Variants in MYH11 observed in about 807,000 individuals in gnomAD.
The protein encoded by MYH11 is myosin-11.
Under a neutral mutation model 246.6 loss-of-function variants are expected in MYH11, and 80 were observed. The observed-to-expected ratio is 0.32, with a 90% CI of 0.27 to 0.39. MYH11 has a LOEUF of 0.39. Among genes scored for constraint, MYH11 ranks in the 10% least tolerant of loss-of-function variants. MYH11 has a pLI of 1.00. For synonymous variants in MYH11, 1,071 were observed against 1,015.5 expected (o/e 1.05, Z -1.04); for missense variants, 2,158 against 2,546.8 (o/e 0.85, Z 3.29).
intron 26 of MYH11, among the ~76,000 whole-genome samples, chr16:15,734,539 A>T (rs567677196): frequency 3.0e-4 from 46 of 152,240 alleles, no homozygotes; most frequent in Admixed American, 1.6e-3. Context: ...ACCTCAAGTG[A>T]TCCACCTGTC....
chr16:15,757,067 G>A (rs900585392), intron 13 of MYH11, among the ~76,000 whole-genome samples: 3 of 151,922 alleles, frequency 2.0e-5, no homozygotes, highest in African/African-American at 4.8e-5. Context: ...CAAAGTGCTG[G>A]GATTACAGGC....
At chr16:15,824,966 C>A (rs1268680894) in intron 2 of MYH11, among the ~76,000 whole-genome samples, 3 of 152,174 alleles carry the variant, frequency 2.0e-5, no homozygotes, top group African/African-American at 7.2e-5. Flanking sequence ...GGAACTAGAA[C>A]TCCTGTTTAC....
chr16:15,831,633 C>T lies in MYH11; in HGVS notation c.345+6275G>A. Among the ~76,000 whole-genome samples the T allele has an allele frequency of 1.3e-5, 2 of 152,008 alleles. 1 individual carries two copies. On this transcript the variant is annotated intron_variant, in intron 2 of 40. Transcript: ENST00000300036. Reference sequence around the variant, plus strand: ...TATTACTGGAGGAGGTTCTTTGAAGCAATAATGACTTGAAAGATCAGAAGG... The same window carrying T: ...TATTACTGGAGGAGGTTCTTTGAAGTAATAATGACTTGAAAGATCAGAAGG...
At chr16:15,848,568 T>C (rs151210125) in intron 1 of MYH11, among the ~76,000 whole-genome samples, 13 of 152,200 alleles carry the variant, frequency 8.5e-5, no homozygotes, top group Middle Eastern at 3.4e-3. Flanking sequence ...GGCTGCGTCA[T>C]TCTGTGTCGT....
At chr16:15,832,067 G>A (rs1367182088) in intron 2 of MYH11, among the ~76,000 whole-genome samples, 1 of 152,112 alleles carries the variant, frequency 6.6e-6, no homozygotes. Flanking sequence ...TTCACAATCT[G>A]CTTGTTCCTT....
At chr16:15,768,166 T>G (rs561599724) in intron 9 of MYH11, among the ~76,000 whole-genome samples, 1 of 152,304 alleles carries the variant, frequency 6.6e-6, no homozygotes, top group South Asian at 2.1e-4. Context: ...TTTGTGCTAA[T>G]TTTTTACAGT....
At chr16:15,763,741 T>TCGGGGGGGCCCCCC in intron 10 of MYH11, 55 bp downstream of exon 10, 1 of 646,862 alleles carries the variant, frequency 1.5e-6, no homozygotes, top group Non-Finnish European at 2.9e-6. Flanking sequence ...AAATGTCACC[T>TCGGGGGGGCCCCCC]CCCCCACCCC....
rs1364311339 is a variant in MYH11, at chr16:15,703,795, C to G, written c.*196G>C. On this transcript the variant is annotated 3_prime_UTR_variant, in exon 41 of 41. Coordinates refer to ENST00000300036, the MANE Select transcript of MYH11 (RefSeq NM_002474.3). ...TATAGATGAGGTTTTACTACGTTGC[C>G]CAGGCTGGAGGGTGGTGGTTTTTAT... is the stretch of plus-strand genomic sequence containing the variant. 1.4e-6 allele frequency: 1 copy of G among 728,356 alleles called. No individual in the cohort carries two copies. The highest frequency in any genetic ancestry group is 2.3e-6 in the Non-Finnish European group (1 of 428,314). The allele number at this position is 728,356 out of a possible 1,614,324, so 45.1% of individuals were successfully genotyped here.
rs1285996684 is a variant in MYH11, at chr16:15,741,316, G to GCCTT, written c.2859+143_2859+146dup. On this transcript the variant is annotated intron_variant, in intron 22 of 40. Coordinates refer to ENST00000300036, the MANE Select transcript of MYH11 (RefSeq NM_002474.3). Reference sequence around the variant, plus strand: ...TTCCAGTCCCAATCCCAGCTGTGTGGCCTTGATCAGATGACCAACCCTCTC... The same window carrying GCCTT: ...TTCCAGTCCCAATCCCAGCTGTGTGGCCTTCCTTGATCAGATGACCAACCCTCTC... The GCCTT allele has an allele frequency of 4.5e-6, 4 of 886,126 alleles. No homozygotes were observed. The East Asian group carries it at 9.7e-5, about 21-fold the overall frequency. 54.9% of individuals were successfully genotyped at this position (886,126 alleles called of 1,614,324 possible). A position where few individuals can be genotyped will look rare whatever the true frequency, so the allele number is the denominator to read the frequency against.
chr16:15,738,428 A>AC, intron 24 of MYH11, 137 bp downstream of exon 24: 1 of 755,840 alleles, frequency 1.3e-6, no homozygotes, highest in Non-Finnish European at 2.1e-6. Flanking sequence ...CAGGAGGATC[A>AC]CTGGAGCTTA....
chr16:15,716,885 G>A (rs924684883), intron 38 of MYH11, among the ~76,000 whole-genome samples: 5 of 152,228 alleles, frequency 3.3e-5, no homozygotes, highest in African/African-American at 1.2e-4. Flanking sequence ...CTGCTGGGAA[G>A]GCAGGTTAAT....
intron 2 of MYH11, among the ~76,000 whole-genome samples, chr16:15,826,798 C>A (rs918882772): frequency 1.3e-5 from 2 of 151,552 alleles, no homozygotes; most frequent in Non-Finnish European, 2.9e-5. Context: ...TCAAGACCAA[C>A]CTAGGCAACA....
At position 15,718,413 on chromosome 16, in the gene MYH11, G is replaced by A. The variant is rs1335030890; in HGVS notation, c.5197C>T (p.Arg1733Cys). Residue 1733 changes from arginine to cysteine, a missense_variant, in exon 37 of 41, where the codon CGC becomes TGC. Transcript: ENST00000300036. ...GRNALQDEKR[R>C]LEARIAQLEE... ...AGCTGGGCGATCCGGGCCTCCAGGC[G>A]GCGCTTCTCGTCCTGGAGTGCGTTC... 7 of 1,584,164 alleles carry A rather than the reference G, an allele frequency of 4.4e-6. No homozygotes were observed. Among genetic ancestry groups the A allele is most frequent in the Middle Eastern group, 1.8e-4 (1 of 5,490 alleles).
chr16:15,771,639 C>T lies in MYH11; in HGVS notation c.963G>A (p.Gln321=), dbSNP rs794728673. The T allele has an allele frequency of 3.1e-6, 5 of 1,613,890 alleles. No homozygotes were observed. The highest frequency in any genetic ancestry group is 1.3e-5 in the African/African-American group (1 of 74,846). The part of the protein sequence containing the change: ...SNGFVPIPAA[Q]DDEMFQETVE... The stretch of plus-strand genomic sequence containing the variant: ...CGGTTTCCTGGAACATCTCATCATC[C>T]TGGGCTGCTGGGATGGGCACAAAGC... Residue 321 remains glutamine, a synonymous_variant, in exon 9 of 41, where the codon CAG becomes CAA. Transcript: ENST00000300036.
At chr16:15,838,419 C>T (rs763966413) in intron 1 of MYH11, 150 bp from the exon 2 acceptor site, 3 of 696,248 alleles carry the variant, frequency 4.3e-6, no homozygotes, top group Non-Finnish European at 7.6e-6. Flanking sequence ...GGTCAAAGAA[C>T]AGAGACCACC....
rs8059010 is a variant in MYH11, at chr16:15,717,025, G to C, written c.5504+115C>G. ...ACATACCTGCACTGTAGGCATCACA[G>C]AGCTTGCTTCTTACAAGCCAGAACT... On this transcript the variant is annotated intron_variant, in intron 38 of 40. Coordinates refer to ENST00000300036, the MANE Select transcript of MYH11 (RefSeq NM_002474.3). 40,353 of 1,122,918 alleles carry C rather than the reference G, an allele frequency of 0.036. 1,193 individuals are homozygous for C. Among genetic ancestry groups the C allele is most frequent in the African/African-American group, 0.093 (6,134 of 65,866 alleles). The allele number at this position is 1,122,918 out of a possible 1,614,324, so 69.6% of individuals were successfully genotyped here.
chr16:15,721,713 C>G, intron 31 of MYH11, 79 bp from the exon 32 acceptor site: 1 of 1,446,758 alleles, frequency 6.9e-7, no homozygotes, highest in East Asian at 2.3e-5. Context: ...GGGGGAAGCC[C>G]TGTGTCCTGC....
chr16:15,753,624 G>T lies in MYH11; in HGVS notation c.1750-116C>A, dbSNP rs993294339. ...GATCTTCTGAGGTCAGAGAGGAAAT[G>T]ACGTTTATGACCACCATGATGGGAC... On this transcript the variant is annotated intron_variant, in intron 14 of 40. Transcript: ENST00000300036. The T allele has an allele frequency of 6.3e-6, 5 of 797,462 alleles. No individual in the cohort carries two copies. In the South Asian group the frequency reaches 7.2e-5, roughly 11 times the overall value. 49.4% of individuals were successfully genotyped at this position (797,462 alleles called of 1,614,324 possible). A position where few individuals can be genotyped will look rare whatever the true frequency, so the allele number is the denominator to read the frequency against.
intron 40 of MYH11, among the ~76,000 whole-genome samples, chr16:15,705,987 A>AAAAAAAAC (rs2039430171): frequency 6.7e-6 from 1 of 148,760 alleles, no homozygotes. Flanking sequence ...TCCGTCTCAA[A>AAAAAAAAC]AAAAAAAAAA....
Sources: gnomAD v4.1 joint callset for allele counts (sites outside exome capture counted in the v4.1 genomes callset) on GRCh38, gnomAD v4.1.1 for gene constraint, MANE v1.5 for transcripts, NCBI Gene and HGNC (gene_info 2026-07-23, HGNC 2026-07-21) for gene names.